The following SMIM10 variants were observed in gnomAD, a reference collection of about 807,000 sequenced individuals.
The protein encoded by SMIM10 is small integral membrane protein 10, also known as chromosome X open reading frame 69.
For synonymous variants in SMIM10, 32 were observed against 36.0 expected (o/e 0.89, Z 0.40); for missense variants, 62 against 73.1 (o/e 0.85, Z 0.55).
In SMIM10 at chrX:134,991,442, C is replaced by T. The variant is rs764694514; in HGVS notation, c.*95C>T. Reference sequence around the variant, plus strand: ...CCCTAGAGCAAAGCGACCAACTCCGCTCCTGCATGCAGACTTGCCACTCAT... The same window carrying T: ...CCCTAGAGCAAAGCGACCAACTCCGTTCCTGCATGCAGACTTGCCACTCAT... On this transcript the variant is annotated 3_prime_UTR_variant, in exon 1 of 1. Transcript: ENST00000330288. The T allele has an allele frequency of 2.9e-5, 28 of 982,031 alleles. No individual in the cohort carries two copies. The highest frequency in any genetic ancestry group is 3.8e-5 in the Non-Finnish European group (28 of 731,674). The allele number at this position is 982,031 out of a possible 1,213,427, so 80.9% of individuals were successfully genotyped here. A position where few individuals can be genotyped will look rare whatever the true frequency, so the allele number is the denominator to read the frequency against.
At position 134,991,269 on chromosome X, in the gene SMIM10, G is replaced by A. The variant is rs1380365624; in HGVS notation, c.174G>A (p.Trp58Ter). The A allele has an allele frequency of 3.4e-6, 4 of 1,167,190 alleles. No individual in the cohort carries two copies. Among genetic ancestry groups the A allele is most frequent in the Non-Finnish European group, 4.6e-6 (4 of 873,023 alleles). The change falls in exon 1 of 1, where the codon TGG becomes TGA. Residue 58 changes from tryptophan (W) to a stop codon, truncating the protein, a stop_gained. Coordinates refer to ENST00000330288, the MANE Select transcript of SMIM10 (RefSeq NM_001163438.2). LOFTEE classifies it low-confidence loss of function (END_TRUNC). ...TGCTCACCTTCTTCGACCTGGCCTG[G>A]CGGCTGCGCAAGAACTTCTTTTACT... ...RTLLTFFDLA[W>*]RLRKNFFYFY...
Position 134,991,837 on chromosome X carries a change from G to T in SMIM10, c.*490G>T, listed in dbSNP as rs2083204051. 1 of 124,623 alleles carries T rather than the reference G, an allele frequency of 8.0e-6. No individual in the cohort carries two copies. Among genetic ancestry groups the T allele is most frequent in the African/African-American group, 3.3e-5 (1 of 30,744 alleles). 10.3% of individuals were successfully genotyped at this position (124,623 alleles called of 1,213,427 possible). On this transcript the variant is annotated 3_prime_UTR_variant, in exon 1 of 1. Coordinates refer to ENST00000330288, the MANE Select transcript of SMIM10 (RefSeq NM_001163438.2). Reference sequence around the variant, plus strand: ...ACGAAGTGAATAGACCCAATTGAATGAGATGAATTCTAAGCAATAGATGGA... The same window carrying T: ...ACGAAGTGAATAGACCCAATTGAATTAGATGAATTCTAAGCAATAGATGGA...
Position 134,991,038 on chromosome X carries a change from G to A in SMIM10, c.-58G>A. 1 of 1,125,950 alleles carries A rather than the reference G, an allele frequency of 8.9e-7. No homozygotes were observed. Among genetic ancestry groups the A allele is most frequent in the South Asian group, 2.1e-5 (1 of 47,705 alleles). 92.8% of individuals were successfully genotyped at this position (1,125,950 alleles called of 1,213,427 possible). A position where few individuals can be genotyped will look rare whatever the true frequency, so the allele number is the denominator to read the frequency against. On this transcript the variant is annotated 5_prime_UTR_variant, in exon 1 of 1. Coordinates refer to ENST00000330288, the MANE Select transcript of SMIM10 (RefSeq NM_001163438.2). ...TCAGCAGCAGCCCAGGAGGCCTCCC[G>A]CCCGTACTTTCCCGCGTCCATCCCT... is the stretch of plus-strand genomic sequence containing the variant.
In SMIM10 at chrX:134,990,992, C is replaced by T. The variant is rs2083200465; in HGVS notation, c.-104C>T. The T allele has an allele frequency of 2.8e-6, 3 of 1,059,685 alleles. No individual in the cohort carries two copies. The highest frequency in any genetic ancestry group is 3.8e-5 in the African/African-American group (2 of 52,869). The allele number at this position is 1,059,685 out of a possible 1,213,427, so 87.3% of individuals were successfully genotyped here. ...AGCCCTGCCGGGAAAGGAGGGCTTC[C>T]GCCTTGCAGCGCAGCTCGGATCAGC... is the stretch of plus-strand genomic sequence containing the variant. On this transcript the variant is annotated 5_prime_UTR_variant, in exon 1 of 1. Transcript: ENST00000330288.
At position 134,991,911 on chromosome X, in the gene SMIM10, A is replaced by C. The variant is rs2083204207; in HGVS notation, c.*564A>C. ...TAATAACATGTTCTGGAAGGCATAC[A>C]TTTCTTCAACCCAAAGGAAAAAAAA... On this transcript the variant is annotated 3_prime_UTR_variant, in exon 1 of 1. Coordinates refer to ENST00000330288, the MANE Select transcript of SMIM10 (RefSeq NM_001163438.2). 1.6e-5 allele frequency: 2 copies of C among 123,488 alleles called. No homozygotes were observed. The highest frequency in any genetic ancestry group is 3.7e-5 in the Non-Finnish European group (2 of 53,365). 10.2% of individuals were successfully genotyped at this position (123,488 alleles called of 1,213,427 possible). A position where few individuals can be genotyped will look rare whatever the true frequency, so the allele number is the denominator to read the frequency against.
chrX:134,991,370 G>C lies in SMIM10; in HGVS notation c.*23G>C. ...TAGAGCCACTAACTTTGTGGCATTT[G>C]GGGGCTCCTCGTCAGGATGGCTGAC... On this transcript the variant is annotated 3_prime_UTR_variant, in exon 1 of 1. Transcript: ENST00000330288. The C allele has an allele frequency of 1.7e-6, 2 of 1,151,235 alleles. No individual in the cohort carries two copies. Among genetic ancestry groups the C allele is most frequent in the Non-Finnish European group, 2.3e-6 (2 of 861,490 alleles). The allele number at this position is 1,151,235 out of a possible 1,213,427, so 94.9% of individuals were successfully genotyped here. A position where few individuals can be genotyped will look rare whatever the true frequency, so the allele number is the denominator to read the frequency against.
In SMIM10 at chrX:134,991,106, T is replaced by C. The variant is rs2083200916; in HGVS notation, c.11T>C (p.Leu4Ser). 2 of 1,162,019 alleles carry C rather than the reference T, an allele frequency of 1.7e-6. No individual in the cohort carries two copies. Among genetic ancestry groups the C allele is most frequent in the East Asian group, 3.3e-5 (1 of 30,596 alleles). The change falls in exon 1 of 1, where the codon TTG (leucine) becomes TCG (serine). Residue 4 changes from leucine to serine, a missense_variant. By Grantham distance (145) the Leu-to-Ser change is moderately radical (BLOSUM62 -2). Transcript: ENST00000330288. The stretch of plus-strand genomic sequence containing the variant: ...AGTCAGCGGAGCCTGATGGAGGCCT[T>C]GGGCTCTGGGCACTATGTGGGAGGC... MEA[L>S]GSGHYVGGSI...
At position 134,991,717 on chromosome X, in the gene SMIM10, T is replaced by TAAAA; in HGVS notation, c.*379_*382dup. 2 of 121,122 alleles carry TAAAA rather than the reference T, an allele frequency of 1.7e-5. No homozygotes were observed. The highest frequency in any genetic ancestry group is 1.0e-4 in the Admixed American group (1 of 9,990). The allele number at this position is 121,122 out of a possible 1,213,427, so 10.0% of individuals were successfully genotyped here. A position where few individuals can be genotyped will look rare whatever the true frequency, so the allele number is the denominator to read the frequency against. ...AAATGACAATGGGCACAGAATGCAATAAAAAAAAAAAACGGGGAAAGGTAA... is the reference window on the plus strand; with the variant it reads ...AAATGACAATGGGCACAGAATGCAATAAAAAAAAAAAAAAAACGGGGAAAGGTAA... On this transcript the variant is annotated 3_prime_UTR_variant, in exon 1 of 1. Transcript: ENST00000330288.
rs1326346228 is a variant in SMIM10 at position 134,991,643 on chromosome X, T to G, written c.*296T>G. 3 of 228,552 alleles carry G rather than the reference T, an allele frequency of 1.3e-5. No homozygotes were observed. The highest frequency in any genetic ancestry group is 8.8e-5 in the African/African-American group (3 of 34,106). The allele number at this position is 228,552 out of a possible 1,213,427, so 18.8% of individuals were successfully genotyped here. On this transcript the variant is annotated 3_prime_UTR_variant, in exon 1 of 1. Coordinates refer to ENST00000330288, the MANE Select transcript of SMIM10 (RefSeq NM_001163438.2). ...AAAAATTTGAAAATCCTTAAAAATA[T>G]CTGAGAAGTTTTTGCATCCGTAAAA...
At position 134,991,191 on chromosome X, in the gene SMIM10, G is replaced by T; in HGVS notation, c.96G>T (p.Pro32=). The T allele has an allele frequency of 8.6e-7, 1 of 1,167,835 alleles. No individual in the cohort carries two copies. The highest frequency in any genetic ancestry group is 1.1e-6 in the Non-Finnish European group (1 of 872,860). ...GCCTGGCGGTGCGGCTGTCGCGCCC[G>T]CAGGGGACCCGCGGCTCTTACGGCG... ...LSGLAVRLSR[P]QGTRGSYGAF... is the part of the protein sequence containing the mutation. The change falls in exon 1 of 1, where the codon CCG becomes CCT. Residue 32 remains proline (P), a synonymous_variant. Transcript: ENST00000330288.
At position 134,991,336 on chromosome X, in the gene SMIM10, G is replaced by A; in HGVS notation, c.241G>A (p.Val81Ile). 8.6e-7 allele frequency: 1 copy of A among 1,164,647 alleles called. No homozygotes were observed. Among genetic ancestry groups the A allele is most frequent in the Non-Finnish European group, 1.1e-6 (1 of 870,602 alleles). The stretch of plus-strand genomic sequence containing the variant: ...GGTGATTCTCAACGTCCACCTGCAG[G>A]TATATATTTAGAGCCACTAACTTTG... ...ASVILNVHLQ[V>I]YI Residue 81 changes from valine to isoleucine, a missense_variant, in exon 1 of 1, where the codon GTA (valine) becomes ATA (isoleucine). Transcript: ENST00000330288.
chrX:134,991,418 C>A lies in SMIM10; in HGVS notation c.*71C>A. ...GACTTCCACCCACCTGCTCACCCAC[C>A]CTAGAGCAAAGCGACCAACTCCGCT... is the stretch of plus-strand genomic sequence containing the variant. On this transcript the variant is annotated 3_prime_UTR_variant, in exon 1 of 1. Coordinates refer to ENST00000330288, the MANE Select transcript of SMIM10 (RefSeq NM_001163438.2). 9.1e-7 allele frequency: 1 copy of A among 1,096,182 alleles called. No homozygotes were observed. The highest frequency in any genetic ancestry group is 1.2e-6 in the Non-Finnish European group (1 of 828,185). The allele number at this position is 1,096,182 out of a possible 1,213,427, so 90.3% of individuals were successfully genotyped here. A position where few individuals can be genotyped will look rare whatever the true frequency, so the allele number is the denominator to read the frequency against.
rs73572720 is a variant in SMIM10 at position 134,992,338 on chromosome X, T to G, written c.*991T>G. On this transcript the variant is annotated 3_prime_UTR_variant, in exon 1 of 1. Coordinates refer to ENST00000330288, the MANE Select transcript of SMIM10 (RefSeq NM_001163438.2). ...ACGTGTAGAAGTTTGTGTTTCTGAT[T>G]TGGGGAAGCAAGAGTTGAGAAGGAG... is the stretch of plus-strand genomic sequence containing the variant. The G allele has an allele frequency of 9.0e-5, 11 of 122,783 alleles. No individual in the cohort carries two copies. The highest frequency in any genetic ancestry group is 3.6e-4 in the African/African-American group (11 of 30,664). 10.1% of individuals were successfully genotyped at this position (122,783 alleles called of 1,213,427 possible). A position where few individuals can be genotyped will look rare whatever the true frequency, so the allele number is the denominator to read the frequency against.
In SMIM10 at chrX:134,991,957, G is replaced by T. The variant is rs1401298848; in HGVS notation, c.*610G>T. ...AAAAATGACAGAAAGAAACTACAGGGAAGAACATTAAAAACTGTGCAAGAA... is the reference window on the plus strand; with the variant it reads ...AAAAATGACAGAAAGAAACTACAGGTAAGAACATTAAAAACTGTGCAAGAA... On this transcript the variant is annotated 3_prime_UTR_variant, in exon 1 of 1. Coordinates refer to ENST00000330288, the MANE Select transcript of SMIM10 (RefSeq NM_001163438.2). 1 of 123,668 alleles carries T rather than the reference G, an allele frequency of 8.1e-6. No homozygotes were observed. Among genetic ancestry groups the T allele is most frequent in the Non-Finnish European group, 1.9e-5 (1 of 53,376 alleles). The allele number at this position is 123,668 out of a possible 1,213,427, so 10.2% of individuals were successfully genotyped here. A position where few individuals can be genotyped will look rare whatever the true frequency, so the allele number is the denominator to read the frequency against.
At position 134,991,076 on chromosome X, in the gene SMIM10, C is replaced by G; in HGVS notation, c.-20C>G. On this transcript the variant is annotated 5_prime_UTR_variant, in exon 1 of 1. Transcript: ENST00000330288. ...CGCGTCCATCCCTCTGTCCCACGGT[C>G]GGTGAGTCAGCGGAGCCTGATGGAG... is the stretch of plus-strand genomic sequence containing the variant. 8.7e-7 allele frequency: 1 copy of G among 1,152,224 alleles called. No homozygotes were observed. The highest frequency in any genetic ancestry group is 1.2e-6 in the Non-Finnish European group (1 of 862,409). The allele number at this position is 1,152,224 out of a possible 1,213,427, so 95.0% of individuals were successfully genotyped here. A position where few individuals can be genotyped will look rare whatever the true frequency, so the allele number is the denominator to read the frequency against.
At position 134,991,213 on chromosome X, in the gene SMIM10, G is replaced by T; in HGVS notation, c.118G>T (p.Gly40Cys). The T allele has an allele frequency of 8.6e-7, 1 of 1,168,218 alleles. No individual in the cohort carries two copies. Among genetic ancestry groups the T allele is most frequent in the South Asian group, 1.9e-5 (1 of 52,793 alleles). Residue 40 changes from glycine to cysteine, a missense_variant, in exon 1 of 1, where the codon GGC becomes TGC. Coordinates refer to ENST00000330288, the MANE Select transcript of SMIM10 (RefSeq NM_001163438.2). ...SRPQGTRGSY[G>C]AFCKTLTRTL... ...CCCGCAGGGGACCCGCGGCTCTTAC[G>T]GCGCCTTCTGCAAGACGCTCACGCG...
chrX:134,991,499 G>A lies in SMIM10; in HGVS notation c.*152G>A. The A allele has an allele frequency of 1.5e-6, 1 of 682,340 alleles. No homozygotes were observed. Among genetic ancestry groups the A allele is most frequent in the Non-Finnish European group, 2.1e-6 (1 of 472,923 alleles). The allele number at this position is 682,340 out of a possible 1,213,427, so 56.2% of individuals were successfully genotyped here. A position where few individuals can be genotyped will look rare whatever the true frequency, so the allele number is the denominator to read the frequency against. ...CATTGCCTCATCTTTTAGTATAAATGGGTGGCAAAAAAAGAAAAAAACAGC... is the reference window on the plus strand; with the variant it reads ...CATTGCCTCATCTTTTAGTATAAATAGGTGGCAAAAAAAGAAAAAAACAGC... On this transcript the variant is annotated 3_prime_UTR_variant, in exon 1 of 1. Coordinates refer to ENST00000330288, the MANE Select transcript of SMIM10 (RefSeq NM_001163438.2).
At position 134,991,517 on chromosome X, in the gene SMIM10, A is replaced by G. The variant is rs1311409486; in HGVS notation, c.*170A>G. ...TATAAATGGGTGGCAAAAAAAGAAA[A>G]AAACAGCATTTGTGGAAAGCCTGAA... is the stretch of plus-strand genomic sequence containing the variant. On this transcript the variant is annotated 3_prime_UTR_variant, in exon 1 of 1. Transcript: ENST00000330288. 1.9e-5 allele frequency: 11 copies of G among 576,406 alleles called. No homozygotes were observed. The East Asian group carries it at 3.7e-4, about 19-fold the overall frequency. The allele number at this position is 576,406 out of a possible 1,213,427, so 47.5% of individuals were successfully genotyped here. A position where few individuals can be genotyped will look rare whatever the true frequency, so the allele number is the denominator to read the frequency against.
At position 134,991,272 on chromosome X, in the gene SMIM10, G is replaced by A; in HGVS notation, c.177G>A (p.Arg59=). 2 of 1,167,187 alleles carry A rather than the reference G, an allele frequency of 1.7e-6. No homozygotes were observed. The highest frequency in any genetic ancestry group is 6.5e-5 in the East Asian group (2 of 30,723). Residue 59 remains arginine (R), a synonymous_variant, in exon 1 of 1, where the codon CGG becomes CGA. Coordinates refer to ENST00000330288, the MANE Select transcript of SMIM10 (RefSeq NM_001163438.2). ...TLLTFFDLAW[R]LRKNFFYFYI... ...TCACCTTCTTCGACCTGGCCTGGCG[G>A]CTGCGCAAGAACTTCTTTTACTTCT...
Sources: allele counts gnomAD v4.1 joint callset, GRCh38; gene constraint gnomAD v4.1.1; transcripts MANE v1.5; gene names NCBI Gene and HGNC (gene_info 2026-07-23, HGNC 2026-07-21).